The following AKAP6 variants were observed in gnomAD, a reference collection of about 807,000 sequenced individuals.
AKAP6 encodes A-kinase anchor protein 6.
Under a neutral mutation model 188.5 loss-of-function variants are expected in AKAP6, and 58 were observed. The observed-to-expected ratio is 0.31, with a 90% CI of 0.25 to 0.38. AKAP6 has a LOEUF of 0.38. Ranked by LOEUF, AKAP6 falls within the 10% of genes least tolerant of loss-of-function variation. The pLI is 1.00. For missense variants in AKAP6, 2,710 were observed against 2,740.0 expected (o/e 0.99, Z 0.24); for synonymous variants, 989 against 998.6 (o/e 0.99, Z 0.18).
chr14:32,485,535 G>A (rs1731110102), intron 2 of AKAP6, among the ~76,000 whole-genome samples: 1 of 152,094 alleles, frequency 6.6e-6, no homozygotes, highest in Non-Finnish European at 1.5e-5. Flanking sequence ...TCTCATTGTG[G>A]TTTTGATTTG....
intron 1 of AKAP6, among the ~76,000 whole-genome samples, chr14:32,334,642 A>G (rs2138392895): frequency 6.6e-6 from 1 of 152,300 alleles, no homozygotes; most frequent in African/African-American, 2.4e-5. Context: ...GGTGCTATCC[A>G]TGGTTTCAGG....
chr14:32,736,642 A>G (rs886345075), intron 11 of AKAP6, among the ~76,000 whole-genome samples: 7 of 152,148 alleles, frequency 4.6e-5, no homozygotes, highest in Admixed American at 3.3e-4. Context: ...GTGGCAATAA[A>G]TCTTCATCAT....
At chr14:32,744,805 C>T (rs936505666) in intron 11 of AKAP6, among the ~76,000 whole-genome samples, 1 of 151,802 alleles carries the variant, frequency 6.6e-6, no homozygotes, top group African/African-American at 2.4e-5. Context: ...GTTTTTATTC[C>T]TTTTTCTGTT....
intron 1 of AKAP6, among the ~76,000 whole-genome samples, chr14:32,351,754 T>A (rs1257583950): frequency 2.0e-5 from 3 of 152,024 alleles, no homozygotes; most frequent in Non-Finnish European, 4.4e-5. Context: ...TGAATATATA[T>A]GTGTGTGTAT....
At chr14:32,523,582 C>G (rs1218198631) in intron 2 of AKAP6, among the ~76,000 whole-genome samples, 1 of 151,694 alleles carries the variant, frequency 6.6e-6, no homozygotes, top group Non-Finnish European at 1.5e-5. Flanking sequence ...CATCCTCCCA[C>G]CTCAGCTTCC....
At chr14:32,537,789 A>G (rs1431575389) in intron 3 of AKAP6, among the ~76,000 whole-genome samples, 1 of 152,234 alleles carries the variant, frequency 6.6e-6, no homozygotes, top group Non-Finnish European at 1.5e-5. Context: ...TGTGGAATAC[A>G]TTCATCATAC....
chr14:32,821,892 C>A lies in AKAP6; in HGVS notation c.4079C>A (p.Ser1360Ter). The A allele has an allele frequency of 6.2e-7, 1 of 1,613,896 alleles. No homozygotes were observed. ...CATGGAGGAGACATGAGCCAGAATT[C>A]AGGCAGTGAGAGTGGAATTGTCAGT... ...ACHGGDMSQN[S>*]GSESGIVSEG... Residue 1360 changes from serine (S) to a stop codon, truncating the protein, a stop_gained, in exon 13 of 14, where the codon TCA (serine) becomes TAA (stop). Transcript: ENST00000280979. LOFTEE classifies it high-confidence loss of function.
At chr14:32,504,500 GAACTC>G (rs1880767299) in intron 2 of AKAP6, among the ~76,000 whole-genome samples, 1 of 152,030 alleles carries the variant, frequency 6.6e-6, no homozygotes, top group African/African-American at 2.4e-5. Flanking sequence ...GGCTGGTCTC[GAACTC>G]CTGAGCTCAA....
At chr14:32,782,682 G>A (rs1441203429) in intron 12 of AKAP6, among the ~76,000 whole-genome samples, 1 of 152,098 alleles carries the variant, frequency 6.6e-6, no homozygotes, top group Admixed American at 6.6e-5. Flanking sequence ...GCTTAGGGAT[G>A]TATCTAACAA....
intron 7 of AKAP6, among the ~76,000 whole-genome samples, chr14:32,665,749 C>T (rs1888907289): frequency 6.6e-6 from 1 of 152,166 alleles, no homozygotes; most frequent in African/African-American, 2.4e-5. Flanking sequence ...CTAACACACC[C>T]AGCATTATAA....
chr14:32,607,975 T>C (rs1344936175), intron 7 of AKAP6, among the ~76,000 whole-genome samples: 1 of 152,134 alleles, frequency 6.6e-6, no homozygotes, highest in African/African-American at 2.4e-5. Context: ...CAAAAGTGAG[T>C]TACTTCTTTG....
chr14:32,377,350 C>CT (rs1292941317), intron 1 of AKAP6, among the ~76,000 whole-genome samples: 6 of 152,180 alleles, frequency 3.9e-5, no homozygotes, highest in African/African-American at 1.4e-4. Context: ...TGTGTCTGAT[C>CT]TTTGTCTCCT....
chr14:32,464,522 A>G (rs1878275499), intron 2 of AKAP6, among the ~76,000 whole-genome samples: 1 of 152,220 alleles, frequency 6.6e-6, no homozygotes, highest in Admixed American at 6.5e-5. Flanking sequence ...AGATGCAGAA[A>G]AGGCCTTTGA....
In AKAP6 at chr14:32,449,040, C is replaced by A. The variant is rs566884259; in HGVS notation, c.324+15223C>A. 2.6e-5 allele frequency among the ~76,000 whole-genome samples: 4 copies of A among 152,242 alleles called. No homozygotes were observed. In the South Asian group the frequency reaches 6.2e-4, roughly 24 times the overall value. On this transcript the variant is annotated intron_variant, in intron 2 of 13. Transcript: ENST00000280979. Reference sequence around the variant, plus strand: ...GCAACTTTGGGGAAGCTCTCATTCCCAGGTAGAAGATGAGATTGCAGGAGA... The same window carrying A: ...GCAACTTTGGGGAAGCTCTCATTCCAAGGTAGAAGATGAGATTGCAGGAGA...
At chr14:32,547,063 G>C in intron 4 of AKAP6, 64 bp downstream of exon 4, 1 of 1,405,286 alleles carries the variant, frequency 7.1e-7, no homozygotes, top group Non-Finnish European at 9.7e-7. Context: ...GCTGGGAGAA[G>C]GTCACACTCC....
intron 9 of AKAP6, among the ~76,000 whole-genome samples, chr14:32,727,036 GA>G (rs1445334836): frequency 2.0e-5 from 3 of 152,140 alleles, no homozygotes; most frequent in African/African-American, 7.2e-5. Context: ...AAAGGCTTCA[GA>G]AGGATATCAA....
At chr14:32,807,534 T>C (rs2140106011) in intron 12 of AKAP6, among the ~76,000 whole-genome samples, 1 of 152,320 alleles carries the variant, frequency 6.6e-6, no homozygotes, top group South Asian at 2.1e-4. Flanking sequence ...CCTAAGTACA[T>C]GGTTGTCTCT....
intron 7 of AKAP6, among the ~76,000 whole-genome samples, chr14:32,612,288 G>A (rs1886380963): frequency 6.6e-6 from 1 of 152,000 alleles, no homozygotes; most frequent in Non-Finnish European, 1.5e-5. Flanking sequence ...AAACTCCTTG[G>A]GGCAGCAACT....
chr14:32,512,004 C>T (rs1881286877), intron 2 of AKAP6, among the ~76,000 whole-genome samples: 1 of 152,114 alleles, frequency 6.6e-6, no homozygotes, highest in South Asian at 2.1e-4. Context: ...GCTCAGTTGT[C>T]CCTCATTTTG....
Sources: allele counts gnomAD v4.1 joint callset (sites outside exome capture counted in the v4.1 genomes callset), GRCh38; gene constraint gnomAD v4.1.1; transcripts MANE v1.5; gene names NCBI Gene and HGNC (gene_info 2026-07-23, HGNC 2026-07-21).